Variants in KMT2C observed in about 807,000 individuals in gnomAD.
KMT2C encodes lysine methyltransferase 2C.
A neutral mutation model predicts 507.9 loss-of-function variants in KMT2C; 88 were observed. The ratio of observed to expected loss-of-function variants is 0.17; its 90% confidence interval spans 0.15 to 0.21. The LOEUF is 0.21. Ranked by LOEUF, KMT2C falls within the 10% of genes least tolerant of loss-of-function variation. KMT2C has a pLI of 1.00. For missense variants in KMT2C, 4,954 were observed against 5,957.8 expected (o/e 0.83, Z 5.55); for synonymous variants, 2,049 against 2,080.8 (o/e 0.98, Z 0.42).
At chr7:152,195,545 A>C in intron 28 of KMT2C, 1 of 985,268 alleles carries the variant, frequency 1.0e-6, no homozygotes. Context: ...TGAGCTCTCA[A>C]CCTGGAAAGT....
Position 152,190,884 on chromosome 7 carries a change from T to C in KMT2C, c.4661-3037A>G, listed in dbSNP as rs186595823. ...GTCCAATGAAACAATGTTTTTCAAG[T>C]AGTCATGTTACTTAACTGTACAACC... On this transcript the variant is annotated intron_variant, in intron 31 of 58. Transcript: ENST00000262189. 6.6e-5 allele frequency among the ~76,000 whole-genome samples: 10 copies of C among 152,298 alleles called. No homozygotes were observed. The East Asian group carries it at 1.7e-3, about 26-fold the overall frequency.
chr7:152,344,588 T>C (rs977121108), intron 2 of KMT2C, among the ~76,000 whole-genome samples: 1 of 152,098 alleles, frequency 6.6e-6, no homozygotes, highest in African/African-American at 2.4e-5. Context: ...CTTGGGTTTG[T>C]TGTAAACATA....
rs1456004656 is a variant in KMT2C, at chr7:152,225,467, C to T, written c.2977-851G>A. ...GCTAGAAGAGTATAAGTTTCCAATT[C>T]TACAGGAAAATACTTTTCAAAGTAC... On this transcript the variant is annotated intron_variant, in intron 18 of 58. Coordinates refer to ENST00000262189, the MANE Select transcript of KMT2C (RefSeq NM_170606.3). 7.2e-5 allele frequency among the ~76,000 whole-genome samples: 11 copies of T among 152,148 alleles called. No individual in the cohort carries two copies. In the South Asian group the frequency reaches 8.3e-4, roughly 11 times the overall value.
chr7:152,412,773 GA>G (rs1200438097), intron 1 of KMT2C, among the ~76,000 whole-genome samples: 11 of 152,140 alleles, frequency 7.2e-5, no homozygotes, highest in African/African-American at 2.7e-4. Context: ...TGGTGGGGGG[GA>G]TGGTGCTGGT....
Position 152,176,779 on chromosome 7 carries a change from T to C in KMT2C, c.8674A>G (p.Asn2892Asp), listed in dbSNP as rs1242846407. 2.5e-6 allele frequency: 4 copies of C among 1,614,166 alleles called. No individual in the cohort carries two copies. The highest frequency in any genetic ancestry group is 3.4e-6 in the Non-Finnish European group (4 of 1,180,030). Reference protein sequence around the residue: ...TNRETAGPSANVIQASTQLPA... With the variant: ...TNRETAGPSADVIQASTQLPA... ...AGTTGAGTGGATGCCTGAATGACAT[T>C]TGCACTGGGGCCAGCAGTTTCTCGA... The change falls in exon 38 of 59, where the codon AAT becomes GAT. Residue 2892 changes from asparagine to aspartate, a missense_variant. By Grantham distance (23) the Asn-to-Asp change is conservative (BLOSUM62 1). This residue lies in a region of KMT2C where 1,689 missense variants were observed against 1,654.3 expected (regional missense o/e 1.02). Transcript: ENST00000262189.
intron 1 of KMT2C, 48 bp from the exon 2 acceptor site, chr7:152,358,723 T>C: frequency 8.1e-7 from 1 of 1,240,288 alleles, no homozygotes; most frequent in Non-Finnish European, 1.2e-6. Flanking sequence ...AAATGTTAAA[T>C]TTTAAGGCTT....
intron 15 of KMT2C, among the ~76,000 whole-genome samples, chr7:152,238,027 C>T (rs200639145): frequency 6.4e-4 from 1 of 1,564 alleles, no homozygotes; most frequent in Non-Finnish European, 2.0e-3. Context: ...GGTTAAAAAA[C>T]AATAGTTCTT....
intron 32 of KMT2C, 51 bp downstream of exon 32, chr7:152,187,664 T>C (rs756699958): frequency 6.3e-7 from 1 of 1,579,464 alleles, no homozygotes; most frequent in Middle Eastern, 1.7e-4. Context: ...TATATATAAA[T>C]CAAACAGAAA....
chr7:152,242,691 C>G (rs2095407986), intron 14 of KMT2C, among the ~76,000 whole-genome samples: 1 of 152,148 alleles, frequency 6.6e-6, no homozygotes, highest in African/African-American at 2.4e-5. Context: ...GAAATGAGAA[C>G]AATAATGACA....
intron 31 of KMT2C, among the ~76,000 whole-genome samples, chr7:152,188,616 TTTTTTTTTG>T (rs1184633269): frequency 9.9e-5 from 13 of 131,370 alleles, no homozygotes; most frequent in African/African-American, 4.4e-4. Flanking sequence ...TTTTTTTTTT[TTTTTTTTTG>T]TTTTTGAGAT....
intron 6 of KMT2C, among the ~76,000 whole-genome samples, chr7:152,293,486 T>C (rs1226336512): frequency 6.6e-6 from 1 of 152,206 alleles, no homozygotes; most frequent in Non-Finnish European, 1.5e-5. Context: ...TACAACTATA[T>C]AAAATAAGTT....
intron 6 of KMT2C, among the ~76,000 whole-genome samples, chr7:152,305,125 C>T (rs1314106322): frequency 2.0e-5 from 3 of 152,028 alleles, no homozygotes; most frequent in African/African-American, 7.2e-5. Flanking sequence ...AATTAGTCTA[C>T]AAATATTCAC....
chr7:152,167,515 A>G, intron 41 of KMT2C, 137 bp from the exon 42 acceptor site: 1 of 606,920 alleles, frequency 1.6e-6, no homozygotes. Context: ...ACTAAATATT[A>G]GACGATTATG....
Position 152,136,013 on chromosome 7 carries a change from T to G in KMT2C, c.*819A>C, listed in dbSNP as rs1443029453. ...GCCCCCGAGCTGCTGCAGAGCCTGGTAGCATTTGGTCAATAACTATTTTTA... is the reference window on the plus strand; with the variant it reads ...GCCCCCGAGCTGCTGCAGAGCCTGGGAGCATTTGGTCAATAACTATTTTTA... On this transcript the variant is annotated 3_prime_UTR_variant, in exon 59 of 59. Transcript: ENST00000262189. The G allele has an allele frequency of 4.4e-6, 1 of 225,284 alleles. No homozygotes were observed. The highest frequency in any genetic ancestry group is 8.9e-6 in the Non-Finnish European group (1 of 112,934). The allele number at this position is 225,284 out of a possible 1,614,324, so 14.0% of individuals were successfully genotyped here.
In KMT2C at chr7:152,314,740, T is replaced by C. The variant is rs543535272; in HGVS notation, c.590+398A>G. 2.2e-4 allele frequency among the ~76,000 whole-genome samples: 33 copies of C among 152,312 alleles called. No homozygotes were observed. In the East Asian group the frequency reaches 5.0e-3, roughly 23 times the overall value. On this transcript the variant is annotated intron_variant, in intron 4 of 58. Coordinates refer to ENST00000262189, the MANE Select transcript of KMT2C (RefSeq NM_170606.3). Reference sequence around the variant, plus strand: ...CTGGATTTGCTATTGTATTATGTTATATTCTTAAAATTAAAAGCTTATTTA... The same window carrying C: ...CTGGATTTGCTATTGTATTATGTTACATTCTTAAAATTAAAAGCTTATTTA...
Position 152,177,017 on chromosome 7 carries a change from T to C in KMT2C, c.8436A>G (p.Pro2812=), listed in dbSNP as rs1243399664. 2 of 1,614,012 alleles carry C rather than the reference T, an allele frequency of 1.2e-6. No homozygotes were observed. The highest frequency in any genetic ancestry group is 1.7e-6 in the Non-Finnish European group (2 of 1,180,014). The change falls in exon 38 of 59, where the codon CCA becomes CCG. Residue 2812 remains proline (P), a synonymous_variant. Coordinates refer to ENST00000262189, the MANE Select transcript of KMT2C (RefSeq NM_170606.3). ...KTLVLSDKHS[P]QKKSTVTNEV... is the part of the protein sequence containing the mutation. ...CATTGGTAACAGTGGATTTTTTCTG[T>C]GGTGAATGTTTATCAGAGAGAACCA...
chr7:152,357,025 C>T (rs922454357), intron 2 of KMT2C, among the ~76,000 whole-genome samples: 8 of 149,842 alleles, frequency 5.3e-5, no homozygotes, highest in South Asian at 2.1e-4. Flanking sequence ...GTCAGGAGTT[C>T]GAGACCAGCC....
intron 23 of KMT2C, among the ~76,000 whole-genome samples, chr7:152,213,130 T>TCC (rs918722158): frequency 1.2e-4 from 18 of 152,230 alleles, no homozygotes; most frequent in African/African-American, 4.3e-4. Context: ...TGTTAAAATG[T>TCC]CCATACTATC....
intron 14 of KMT2C, among the ~76,000 whole-genome samples, chr7:152,243,325 G>C (rs554327516): frequency 7.1e-4 from 108 of 152,302 alleles, no homozygotes; most frequent in African/African-American, 2.5e-3. Flanking sequence ...TGTTAGCTTG[G>C]TGTTCCAAAG....
Sources: gnomAD v4.1 joint callset for allele counts (sites outside exome capture counted in the v4.1 genomes callset) on GRCh38, gnomAD v4.1.1 for gene constraint, gnomAD v4.1.1 regional missense constraint, MANE v1.5 for transcripts, NCBI Gene and HGNC (gene_info 2026-07-23, HGNC 2026-07-21) for gene names.